SLC37A3: variants seen among roughly 807,000 people sequenced by gnomAD.
SLC37A3 encodes the protein solute carrier family 37 member 3.
SLC37A3 carries 51 observed loss-of-function variants against 67.1 expected under a neutral mutation model. The observed-to-expected ratio is 0.76, with a 90% CI of 0.61 to 0.96. The LOEUF is 0.96. SLC37A3 is among the 40% of genes least tolerant of loss of function. SLC37A3 has a pLI of 0.00. For synonymous variants in SLC37A3, 214 were observed against 231.4 expected, an observed-to-expected ratio of 0.92 and a Z score of 0.68; for missense variants, 508 against 603.0, an observed-to-expected ratio of 0.84 and a Z score of 1.65.
At chr7:140,340,469 A>G (rs1009773676) in intron 13 of SLC37A3, among the ~76,000 whole-genome samples, 3 of 152,148 alleles carry the variant, frequency 2.0e-5, no homozygotes, top group Non-Finnish European at 4.4e-5. Flanking sequence ...GCATTCTTCA[A>G]TCACATTATT....
intron 14 of SLC37A3, among the ~76,000 whole-genome samples, 167 bp downstream of exon 14, chr7:140,337,117 A>AAAAGAAG (rs1554416978): frequency 4.1e-5 from 6 of 145,288 alleles, no homozygotes; most frequent in African/African-American, 1.1e-4. Context: ...AAAAAAAAAA[A>AAAAGAAG]AAGAAGAAGA....
intron 1 of SLC37A3, among the ~76,000 whole-genome samples, chr7:140,397,255 G>A (rs1798973998): frequency 6.8e-6 from 1 of 146,564 alleles, no homozygotes; most frequent in Non-Finnish European, 1.5e-5. Context: ...GTGCAGTGGT[G>A]TGATCTCGGC....
chr7:140,379,129 C>T (rs1389882579), intron 3 of SLC37A3: 1 of 152,104 alleles, frequency 6.6e-6, no homozygotes, highest in Non-Finnish European at 1.5e-5. Flanking sequence ...CAGTTCAAGA[C>T]CAGCCTGGGA....
Position 140,335,332 on chromosome 7 carries a change from C to A in SLC37A3, c.*80G>T. 1 of 1,614,164 alleles carries A rather than the reference C, an allele frequency of 6.2e-7. No homozygotes were observed. The highest frequency in any genetic ancestry group is 1.1e-5 in the South Asian group (1 of 91,080). ...CCAAGATCAGGCTGGAGCTCCTAGA[C>A]AAACCCAAATTAGGGCAGACTCGAA... On this transcript the variant is annotated 3_prime_UTR_variant, in exon 15 of 15. Coordinates refer to ENST00000326232, the MANE Select transcript of SLC37A3 (RefSeq NM_207113.3).
chr7:140,353,035 G>A (rs1006168548), intron 7 of SLC37A3, among the ~76,000 whole-genome samples: 3 of 152,006 alleles, frequency 2.0e-5, no homozygotes, highest in African/African-American at 7.2e-5. Flanking sequence ...ATGAATGAAG[G>A]GAATGAAGGA....
rs1292226806 is a variant in SLC37A3 at position 140,334,087 on chromosome 7, C to T, written c.*1325G>A. On this transcript the variant is annotated 3_prime_UTR_variant, in exon 15 of 15. Coordinates refer to ENST00000326232, the MANE Select transcript of SLC37A3 (RefSeq NM_207113.3). ...TACATTTTTCTAAAGAACGGACACCCCTCAGGCCCTAGTAATCCATTCATG... is the reference window on the plus strand; with the variant it reads ...TACATTTTTCTAAAGAACGGACACCTCTCAGGCCCTAGTAATCCATTCATG... 1 of 152,134 alleles carries T rather than the reference C, an allele frequency of 6.6e-6. No individual in the cohort carries two copies. Among genetic ancestry groups the T allele is most frequent in the Admixed American group, 6.5e-5 (1 of 15,274 alleles). The allele number at this position is 152,134 out of a possible 1,614,324, so 9.4% of individuals were successfully genotyped here.
rs757987148 is a variant in SLC37A3 at position 140,382,557 on chromosome 7, C to T, written c.-31G>A. The T allele has an allele frequency of 5.8e-5, 93 of 1,600,344 alleles. No individual in the cohort carries two copies. Among genetic ancestry groups the T allele is most frequent in the Non-Finnish European group, 7.7e-5 (90 of 1,168,466 alleles). On this transcript the variant is annotated 5_prime_UTR_variant, in exon 2 of 15. Transcript: ENST00000326232. ...TCCTGACCTTCCTTCTCACCTTTGA[C>T]CTTAAGGTTTGGATGAGTGATTTAC...
At chr7:140,346,077 G>T (rs560359689) in intron 10 of SLC37A3, 107 bp from the exon 11 acceptor site, 10 of 780,054 alleles carry the variant, frequency 1.3e-5, no homozygotes, top group Admixed American at 8.0e-5. Context: ...CCTGACACTA[G>T]TCTATCAAAA....
intron 1 of SLC37A3, among the ~76,000 whole-genome samples, chr7:140,395,165 T>G (rs1276269081): frequency 1.4e-5 from 2 of 143,650 alleles, no homozygotes; most frequent in East Asian, 4.3e-4. Context: ...ATCACGAGGT[T>G]AGGAGTTCAA....
In SLC37A3 at chr7:140,359,277, A is replaced by G. The variant is rs1797165976; in HGVS notation, c.376-492T>C. On this transcript the variant is annotated intron_variant, in intron 5 of 14. Transcript: ENST00000326232. Reference sequence around the variant, plus strand: ...AGAATGGCATGAACCTGGGAGGTGGAGCTTGCAGTGAGCCAAGATCGTGCC... The same window carrying G: ...AGAATGGCATGAACCTGGGAGGTGGGGCTTGCAGTGAGCCAAGATCGTGCC... Among the ~76,000 whole-genome samples the G allele has an allele frequency of 2.0e-5, 3 of 149,748 alleles. No individual in the cohort carries two copies. In the Admixed American group the frequency reaches 2.0e-4, roughly 10 times the overall value.
At chr7:140,344,948 G>A (rs1796494614) in intron 12 of SLC37A3, among the ~76,000 whole-genome samples, 1 of 152,100 alleles carries the variant, frequency 6.6e-6, no homozygotes, top group South Asian at 2.1e-4. Flanking sequence ...GTCACTTTTA[G>A]AGGTAAGAGC....
At chr7:140,380,442 C>A in intron 2 of SLC37A3, 52 bp from the exon 3 acceptor site, 3 of 1,332,604 alleles carry the variant, frequency 2.3e-6, no homozygotes, top group South Asian at 1.2e-5. Context: ...AAACAGCATT[C>A]AATAAAATCA....
intron 5 of SLC37A3, among the ~76,000 whole-genome samples, chr7:140,362,785 G>T (rs1797401889): frequency 1.1e-5 from 1 of 87,882 alleles, no homozygotes; most frequent in Non-Finnish European, 2.4e-5. Flanking sequence ...GGGGGGATCA[G>T]CCCCCCGCCT....
At chr7:140,374,452 G>C (rs368015834) in intron 3 of SLC37A3, among the ~76,000 whole-genome samples, 1 of 150,268 alleles carries the variant, frequency 6.7e-6, no homozygotes, top group Non-Finnish European at 1.5e-5. Flanking sequence ...AGCTGAGATC[G>C]CGCCACTGTA....
At chr7:140,362,403 C>G (rs1463055854) in intron 5 of SLC37A3, among the ~76,000 whole-genome samples, 4 of 121,476 alleles carry the variant, frequency 3.3e-5, no homozygotes, top group South Asian at 3.2e-4. Flanking sequence ...GCAGCCGCCC[C>G]GTCCGGGAGG....
chr7:140,350,167 C>T (rs1353749446), intron 9 of SLC37A3, among the ~76,000 whole-genome samples: 1 of 152,070 alleles, frequency 6.6e-6, no homozygotes, highest in Non-Finnish European at 1.5e-5. Flanking sequence ...CACAACAGCC[C>T]AATGTTACAG....
At chr7:140,374,409 A>C (rs1797940618) in intron 3 of SLC37A3, among the ~76,000 whole-genome samples, 1 of 151,952 alleles carries the variant, frequency 6.6e-6, no homozygotes, top group Non-Finnish European at 1.5e-5. Context: ...AGACGGGAGA[A>C]TCACTTGAAC....
intron 5 of SLC37A3, among the ~76,000 whole-genome samples, chr7:140,362,485 G>A (rs1433389460): frequency 7.8e-5 from 11 of 141,438 alleles, no homozygotes; most frequent in South Asian, 4.6e-4. Flanking sequence ...GCCTCTGCCC[G>A]GCCGCCCCTA....
chr7:140,345,211 C>G lies in SLC37A3; in HGVS notation c.1174+5G>C. ...AGCATGGTGGAGCAGAGCCATGTGC[C>G]GTACCTGTAACAGTCATCAGAAGGG... On this transcript the variant is annotated splice_donor_5th_base_variant and intron_variant, in intron 12 of 14. Transcript: ENST00000326232. 6.2e-7 allele frequency: 1 copy of G among 1,612,672 alleles called. No individual in the cohort carries two copies. The highest frequency in any genetic ancestry group is 8.5e-7 in the Non-Finnish European group (1 of 1,178,796).
Sources: gnomAD v4.1 joint callset for allele counts (sites outside exome capture counted in the v4.1 genomes callset) on GRCh38, gnomAD v4.1.1 for gene constraint, MANE v1.5 for transcripts, NCBI Gene and HGNC (gene_info 2026-07-23, HGNC 2026-07-21) for gene names.